Variants in TWSG1 observed in about 807,000 individuals in gnomAD.
The protein encoded by TWSG1 is twisted gastrulation BMP signaling modulator 1.
Under a neutral mutation model 23.0 loss-of-function variants are expected in TWSG1, and 15 were observed. The ratio of observed to expected loss-of-function variants is 0.65; its 90% CI spans 0.44 to 1.00. TWSG1 has a LOEUF of 1.00. TWSG1 is among the 50% of genes least tolerant of loss of function. The pLI is 0.00. For missense variants in TWSG1, 242 were observed against 278.7 expected, an observed-to-expected ratio of 0.87 and a Z score of 0.94; for synonymous variants, 86 against 92.8, an observed-to-expected ratio of 0.93 and a Z score of 0.42.
Position 9,399,428 on chromosome 18 carries a change from C to A in TWSG1, c.573C>A (p.Ser191=). The part of the protein sequence containing the change: ...CKISCESMGA[S]KYRWFHNACC... ...TATCCTGTGAGTCCATGGGAGCATC[C>A]AAATATCGCTGGTTTCATAATGCCT... Residue 191 remains serine, a synonymous_variant, in exon 5 of 5, where the codon TCC becomes TCA. Transcript: ENST00000262120. The A allele has an allele frequency of 6.2e-7, 1 of 1,613,996 alleles. No individual in the cohort carries two copies. Among genetic ancestry groups the A allele is most frequent in the Non-Finnish European group, 8.5e-7 (1 of 1,179,932 alleles).
intron 2 of TWSG1, among the ~76,000 whole-genome samples, chr18:9,358,204 A>G (rs1419280737): frequency 1.3e-5 from 2 of 152,156 alleles, no homozygotes; most frequent in East Asian, 3.9e-4. Flanking sequence ...CCTTGTGACC[A>G]TGAATGTCAT....
chr18:9,337,847 C>T (rs1336785180), intron 2 of TWSG1, among the ~76,000 whole-genome samples: 3 of 152,158 alleles, frequency 2.0e-5, no homozygotes, highest in African/African-American at 7.2e-5. Context: ...AGCAGTTTAG[C>T]CAGGTGGCTG....
intron 3 of TWSG1, among the ~76,000 whole-genome samples, chr18:9,394,783 C>T (rs532888385): frequency 4.0e-5 from 6 of 151,852 alleles, no homozygotes; most frequent in East Asian, 3.9e-4. Flanking sequence ...TGCACACACA[C>T]GCACGCACAC....
chr18:9,337,082 A>G (rs2040426560), intron 1 of TWSG1, 111 bp from the exon 2 acceptor site: 1 of 994,532 alleles, frequency 1.0e-6, no homozygotes, highest in African/African-American at 1.6e-5. Flanking sequence ...AAAGAAAGAA[A>G]AAGTATATTG....
In TWSG1 at chr18:9,352,015, A is replaced by G. The variant is rs78845841; in HGVS notation, c.124-7957A>G. ...ATGTACTCATGTAACTACTACTACAATCAAGATAGAGAATATTTTTCATCA... is the reference window on the plus strand; with the variant it reads ...ATGTACTCATGTAACTACTACTACAGTCAAGATAGAGAATATTTTTCATCA... On this transcript the variant is annotated intron_variant, in intron 2 of 4. Transcript: ENST00000262120. Among the ~76,000 whole-genome samples, 335 of 152,272 alleles carry G rather than the reference A, an allele frequency of 2.2e-3. 2 individuals carry two copies. Among genetic ancestry groups the G allele is most frequent in the African/African-American group, 7.8e-3 (325 of 41,564 alleles).
intron 2 of TWSG1, among the ~76,000 whole-genome samples, chr18:9,357,522 A>G (rs115862683): frequency 0.011 from 1,664 of 152,312 alleles, 37 homozygotes; most frequent in African/African-American, 0.037. Context: ...AGGGATAAAT[A>G]TTGTGGTCTG....
chr18:9,396,543 A>G lies in TWSG1; in HGVS notation c.487A>G (p.Lys163Glu). The change falls in exon 4 of 5, where the codon AAA becomes GAA. Residue 163 changes from lysine to glutamate, a missense_variant. Lys to Glu is a moderately conservative substitution (Grantham distance 56, BLOSUM62 1). Coordinates refer to ENST00000262120, the MANE Select transcript of TWSG1 (RefSeq NM_020648.6). ...TGTTCACGCGCCTTATTCCAGTGACAAAGGTAACTGCCAACAGTTGACTTT... is the reference window on the plus strand; with the variant it reads ...TGTTCACGCGCCTTATTCCAGTGACGAAGGTAACTGCCAACAGTTGACTTT... The part of the protein sequence containing the change: ...NNVHAPYSSD[K>E]EHMCTVVYFD... 1 of 1,610,404 alleles carries G rather than the reference A, an allele frequency of 6.2e-7. No individual in the cohort carries two copies. The highest frequency in any genetic ancestry group is 8.5e-7 in the Non-Finnish European group (1 of 1,179,552).
At chr18:9,364,532 C>T (rs771887020) in intron 3 of TWSG1, among the ~76,000 whole-genome samples, 11 of 152,140 alleles carry the variant, frequency 7.2e-5, no homozygotes, top group East Asian at 5.8e-4. Context: ...GTGGCTCACG[C>T]GTATAATCCC....
Position 9,361,492 on chromosome 18 carries a change from C to T in TWSG1, c.223+1421C>T, listed in dbSNP as rs1031720169. Among the ~76,000 whole-genome samples the T allele has an allele frequency of 2.6e-5, 4 of 152,274 alleles. No homozygotes were observed. In the East Asian group the frequency reaches 5.8e-4, roughly 22 times the overall value. ...AGGGCATGGAATGTAGTTTGCCTCA[C>T]GAAAAGGTGGTTGGAGGATGAACTG... On this transcript the variant is annotated intron_variant, in intron 3 of 4. Coordinates refer to ENST00000262120, the MANE Select transcript of TWSG1 (RefSeq NM_020648.6).
At chr18:9,372,905 T>G (rs1274435049) in intron 3 of TWSG1, among the ~76,000 whole-genome samples, 1 of 152,114 alleles carries the variant, frequency 6.6e-6, no homozygotes, top group Admixed American at 6.5e-5. Context: ...ATTAATCCAG[T>G]TATATTAGTA....
chr18:9,374,477 A>C (rs2040619791), intron 3 of TWSG1, among the ~76,000 whole-genome samples: 1 of 152,232 alleles, frequency 6.6e-6, no homozygotes, highest in Non-Finnish European at 1.5e-5. Context: ...AAACTCACAC[A>C]AGAAGAAATT....
rs1323485844 is a variant in TWSG1, at chr18:9,361,837, G to C, written c.223+1766G>C. ...CATCTCCTACAGTTGTGGAAGAAGA[G>C]ACAGGGACCTGAAGGTATAACTACC... On this transcript the variant is annotated intron_variant, in intron 3 of 4. Transcript: ENST00000262120. 1.3e-4 allele frequency among the ~76,000 whole-genome samples: 20 copies of C among 152,160 alleles called. 1 individual carries two copies. Among genetic ancestry groups the C allele is most frequent in the Non-Finnish European group, 7.3e-5 (5 of 68,036 alleles).
At chr18:9,394,222 C>CA (rs1295045073) in intron 3 of TWSG1, among the ~76,000 whole-genome samples, 1 of 152,110 alleles carries the variant, frequency 6.6e-6, no homozygotes, top group African/African-American at 2.4e-5. Context: ...TATTCATCCA[C>CA]AAAAAAGCAT....
At chr18:9,395,118 A>G (rs1454071167) in intron 3 of TWSG1, among the ~76,000 whole-genome samples, 3 of 152,182 alleles carry the variant, frequency 2.0e-5, no homozygotes, top group Admixed American at 1.3e-4. Context: ...TTCTCTTGAC[A>G]GTGTTAAAGA....
At chr18:9,390,106 T>A (rs35148474) in intron 3 of TWSG1, among the ~76,000 whole-genome samples, 11,469 of 152,326 alleles carry the variant, frequency 0.075, 529 homozygotes, top group Admixed American at 0.097. Flanking sequence ...TGATGGCTGC[T>A]AATTGATCAG....
chr18:9,393,544 T>A (rs981289214), intron 3 of TWSG1, among the ~76,000 whole-genome samples: 2 of 152,162 alleles, frequency 1.3e-5, no homozygotes, highest in Non-Finnish European at 1.5e-5. Context: ...CCTTTTAAAA[T>A]TATTTTTATT....
Position 9,400,219 on chromosome 18 carries a change from A to G in TWSG1, c.*692A>G, listed in dbSNP as rs2040756539. 1 of 152,216 alleles carries G rather than the reference A, an allele frequency of 6.6e-6. No individual in the cohort carries two copies. The highest frequency in any genetic ancestry group is 2.4e-5 in the African/African-American group (1 of 41,460). 9.4% of individuals were successfully genotyped at this position (152,216 alleles called of 1,614,324 possible). A position where few individuals can be genotyped will look rare whatever the true frequency, so the allele number is the denominator to read the frequency against. Reference sequence around the variant, plus strand: ...CCCTGCCCAAAGTGCTGACATAGGCAGTGATGAAGAATCTTTACCAAGATT... The same window carrying G: ...CCCTGCCCAAAGTGCTGACATAGGCGGTGATGAAGAATCTTTACCAAGATT... On this transcript the variant is annotated 3_prime_UTR_variant, in exon 5 of 5. Coordinates refer to ENST00000262120, the MANE Select transcript of TWSG1 (RefSeq NM_020648.6).
chr18:9,363,006 CTTAACATCCTT>C (rs1568034544), intron 3 of TWSG1, among the ~76,000 whole-genome samples: 1 of 152,190 alleles, frequency 6.6e-6, no homozygotes, highest in Admixed American at 6.5e-5. Context: ...ATTAGGCTCT[CTTAACATCCTT>C]TGCAAACCTG....
chr18:9,337,985 T>C (rs2040430247), intron 2 of TWSG1, among the ~76,000 whole-genome samples: 1 of 152,192 alleles, frequency 6.6e-6, no homozygotes, highest in Non-Finnish European at 1.5e-5. Context: ...GCCACCACTC[T>C]CATTTTTCTG....
Sources: gnomAD v4.1 joint callset for allele counts (sites outside exome capture counted in the v4.1 genomes callset) on GRCh38, gnomAD v4.1.1 for gene constraint, MANE v1.5 for transcripts, NCBI Gene and HGNC (gene_info 2026-07-23, HGNC 2026-07-21) for gene names.